USH2A: variants seen among roughly 807,000 people sequenced by gnomAD.
USH2A encodes the protein Usher syndrome 2A (autosomal recessive, mild).
In USH2A, 443 loss-of-function variants were observed where a neutral mutation model predicts 538.9. That is an observed-to-expected ratio of 0.82 (90% CI 0.76 to 0.89). The LOEUF (loss-of-function observed/expected upper bound fraction) is 0.89, where lower values mean the gene tolerates loss of function less well. Among genes scored for constraint, USH2A ranks in the 40% least tolerant of loss-of-function variants. The probability of loss-of-function intolerance (pLI) is 0.00; values close to 1 mark genes in which losing one functional copy is unlikely to be tolerated. For missense variants in USH2A, 6,633 were observed against 6,324.8 expected, an observed-to-expected ratio of 1.05 and a Z score of -1.65; for synonymous variants, 2,413 against 2,273.5, an observed-to-expected ratio of 1.06 and a Z score of -1.75.
intron 30 of USH2A, among the ~76,000 whole-genome samples, chr1:216,059,053 G>T (rs900511708): frequency 6.6e-6 from 1 of 152,022 alleles, no homozygotes; most frequent in African/African-American, 2.4e-5. Context: ...AAATTTCACG[G>T]CGTTGAATTA....
At chr1:216,270,792 C>T (rs1349032380) in intron 11 of USH2A, among the ~76,000 whole-genome samples, 1 of 151,646 alleles carries the variant, frequency 6.6e-6, no homozygotes, top group African/African-American at 2.4e-5. Context: ...TTACCATAAA[C>T]TCAAACTCTT....
At position 216,299,173 on chromosome 1, in the gene USH2A, A is replaced by G. The variant is rs569689211; in HGVS notation, c.1645-6803T>C. Among the ~76,000 whole-genome samples the G allele has an allele frequency of 2.0e-5, 3 of 152,040 alleles. No homozygotes were observed. The East Asian group carries it at 5.8e-4, about 29-fold the overall frequency. On this transcript the variant is annotated intron_variant, in intron 9 of 71. Coordinates refer to ENST00000307340, the MANE Select transcript of USH2A (RefSeq NM_206933.4). ...ATGTTTTTAAAGCTGCTTGATAAAG[A>G]TTTTCTGTTTTAATAATGGGGTGTT...
In USH2A at chr1:216,070,265, C is replaced by G; in HGVS notation, c.5885G>C (p.Arg1962Thr). 5 of 1,613,918 alleles carry G rather than the reference C, an allele frequency of 3.1e-6. No homozygotes were observed. Among genetic ancestry groups the G allele is most frequent in the East Asian group, 4.5e-5 (2 of 44,860 alleles). The change falls in exon 30 of 72, where the codon AGA (arginine) becomes ACA (threonine). Residue 1962 changes from arginine (R) to threonine (T), a missense_variant. By Grantham distance (71) the Arg-to-Thr change is moderately conservative. Coordinates refer to ENST00000307340, the MANE Select transcript of USH2A (RefSeq NM_206933.4). ...AAPQSVPTPS[R>T]VRSLNGYSIE... is the part of the protein sequence containing the mutation. ...GCTGTATCCATTTAAGCTGCGGACT[C>G]TTGAGGGAGTTGGCACACTTTGTGG...
At chr1:215,821,496 A>G (rs1017393858) in intron 47 of USH2A, among the ~76,000 whole-genome samples, 5 of 151,796 alleles carry the variant, frequency 3.3e-5, no homozygotes, top group African/African-American at 1.2e-4. Flanking sequence ...AGCTATTTAT[A>G]TATCCCAGTT....
intron 4 of USH2A, among the ~76,000 whole-genome samples, chr1:216,359,021 T>C (rs1213121642): frequency 6.6e-6 from 1 of 152,168 alleles, no homozygotes; most frequent in Non-Finnish European, 1.5e-5. Context: ...GGGGATTAAA[T>C]ATTGAAATAA....
At chr1:216,116,785 G>T (rs1571974150) in intron 21 of USH2A, among the ~76,000 whole-genome samples, 2 of 151,808 alleles carry the variant, frequency 1.3e-5, no homozygotes, top group Non-Finnish European at 2.9e-5. Context: ...AAAAGTAAGG[G>T]AATAACAAAA....
intron 61 of USH2A, among the ~76,000 whole-genome samples, chr1:215,683,061 T>G (rs943636786): frequency 6.6e-6 from 1 of 151,902 alleles, no homozygotes; most frequent in Non-Finnish European, 1.5e-5. Context: ...CTTTCTTTCC[T>G]TTTTTTGTAG....
At chr1:216,338,117 C>G (rs192895682) in intron 4 of USH2A, among the ~76,000 whole-genome samples, 1 of 151,178 alleles carries the variant, frequency 6.6e-6, no homozygotes, top group Non-Finnish European at 1.5e-5. Context: ...AATTCAATTC[C>G]AATAAAAAAT....
chr1:216,188,278 A>G (rs2034647656), intron 20 of USH2A, among the ~76,000 whole-genome samples: 1 of 151,894 alleles, frequency 6.6e-6, no homozygotes, highest in Admixed American at 6.6e-5. Flanking sequence ...TCTATTCTGT[A>G]GACATGTTTC....
intron 32 of USH2A, among the ~76,000 whole-genome samples, chr1:216,036,861 T>G (rs1249375054): frequency 6.6e-6 from 1 of 152,082 alleles, no homozygotes; most frequent in Non-Finnish European, 1.5e-5. Context: ...TGTACTGATT[T>G]ACTCTCCCTC....
At chr1:216,155,932 A>G (rs773466234) in intron 21 of USH2A, among the ~76,000 whole-genome samples, 24 of 152,192 alleles carry the variant, frequency 1.6e-4, no homozygotes, top group Non-Finnish European at 2.5e-4. Flanking sequence ...ACTTTTAGTG[A>G]GTCAATCTAT....
chr1:216,388,952 T>A (rs929835470), intron 3 of USH2A, among the ~76,000 whole-genome samples: 1 of 152,172 alleles, frequency 6.6e-6, no homozygotes, highest in Non-Finnish European at 1.5e-5. Context: ...TTTAACCTTA[T>A]ATGACAAATT....
intron 50 of USH2A, among the ~76,000 whole-genome samples, chr1:215,798,353 T>C (rs929118298): frequency 1.3e-5 from 2 of 152,208 alleles, no homozygotes; most frequent in African/African-American, 4.8e-5. Context: ...GTGTGGTATT[T>C]AGCAAGATAA....
intron 14 of USH2A, among the ~76,000 whole-genome samples, chr1:216,227,562 A>G (rs539915157): frequency 2.6e-5 from 4 of 152,326 alleles, no homozygotes; most frequent in Middle Eastern, 3.4e-3. Context: ...GAGTAGGAAA[A>G]CAGGAAGGGA....
At chr1:216,115,360 G>A (rs1188663321) in intron 21 of USH2A, among the ~76,000 whole-genome samples, 3 of 152,102 alleles carry the variant, frequency 2.0e-5, no homozygotes, top group East Asian at 1.9e-4. Context: ...TGCCCAGGCT[G>A]GTCTAGAACT....
At chr1:216,074,183 A>G in intron 27 of USH2A, among the ~76,000 whole-genome samples, 1 of 152,228 alleles carries the variant, frequency 6.6e-6, no homozygotes, top group East Asian at 1.9e-4. Flanking sequence ...CCAGTTAGCC[A>G]GGGAATAGCA....
rs2039697216 is a variant in USH2A, at chr1:216,422,523, A to G, written c.-187T>C. 4 of 729,534 alleles carry G rather than the reference A, an allele frequency of 5.5e-6. No homozygotes were observed. In the South Asian group the frequency reaches 5.6e-5, roughly 10 times the overall value. The allele number at this position is 729,534 out of a possible 1,614,324, so 45.2% of individuals were successfully genotyped here. ...CGACGTTCTTAGCAATGGCGAAGACATGAGTAGCTGCTGGTATCTGGGAAT... is the reference window on the plus strand; with the variant it reads ...CGACGTTCTTAGCAATGGCGAAGACGTGAGTAGCTGCTGGTATCTGGGAAT... On this transcript the variant is annotated 5_prime_UTR_variant, in exon 2 of 72. It removes an upstream start codon present in the reference 5' UTR. Transcript: ENST00000307340.
Position 216,139,877 on chromosome 1 carries a change from C to G in USH2A, c.4627+35375G>C, listed in dbSNP as rs181409358. On this transcript the variant is annotated intron_variant, in intron 21 of 71. Transcript: ENST00000307340. ...TTGCCTCCATCTCAGTTCTGACTTG[C>G]GACCCTTTACAACATATATAGGAAT... Among the ~76,000 whole-genome samples, 297 of 152,264 alleles carry G rather than the reference C, an allele frequency of 2.0e-3. 4 individuals carry two copies. Among genetic ancestry groups the G allele is most frequent in the African/African-American group, 6.8e-3 (281 of 41,558 alleles).
At chr1:215,846,377 A>G (rs1663847098) in intron 44 of USH2A, among the ~76,000 whole-genome samples, 2 of 151,872 alleles carry the variant, frequency 1.3e-5, no homozygotes, top group Admixed American at 6.6e-5. Flanking sequence ...CACACTAGTT[A>G]ATTTTTATCA....
Sources: allele counts gnomAD v4.1 joint callset (sites outside exome capture counted in the v4.1 genomes callset), GRCh38; gene constraint gnomAD v4.1.1; transcripts MANE v1.5; gene names NCBI Gene and HGNC (gene_info 2026-07-23, HGNC 2026-07-21).